PTPRD: variants seen among roughly 807,000 people sequenced by gnomAD.
PTPRD encodes the protein receptor-type tyrosine-protein phosphatase delta.
PTPRD carries 34 observed loss-of-function variants against 214.5 expected under a neutral mutation model. The ratio of observed to expected loss-of-function variants is 0.16; its 90% CI spans 0.12 to 0.21. PTPRD has a LOEUF of 0.21. Among genes scored for constraint, PTPRD ranks in the 10% least tolerant of loss-of-function variants. The probability of loss-of-function intolerance (pLI) is 1.00; values close to 1 mark genes in which losing one functional copy is unlikely to be tolerated. For synonymous variants in PTPRD, 1,128 were observed against 845.7 expected, an observed-to-expected ratio of 1.33 and a Z score of -5.79; for missense variants, 2,545 against 2,398.7, an observed-to-expected ratio of 1.06 and a Z score of -1.27.
chr9:9,502,385 T>C (rs922087999), intron 8 of PTPRD, among the ~76,000 whole-genome samples: 5 of 151,902 alleles, frequency 3.3e-5, no homozygotes, highest in African/African-American at 1.2e-4. Flanking sequence ...TTTCTGTATC[T>C]GGTTTATTCA....
At chr9:9,792,648 G>A (rs1042631656) in intron 5 of PTPRD, among the ~76,000 whole-genome samples, 1 of 152,050 alleles carries the variant, frequency 6.6e-6, no homozygotes, top group African/African-American at 2.4e-5. Flanking sequence ...ACACTCAGTG[G>A]CTTCAAGCTC....
intron 5 of PTPRD, among the ~76,000 whole-genome samples, chr9:9,858,861 A>G (rs1383368808): frequency 6.6e-6 from 1 of 152,110 alleles, no homozygotes; most frequent in Admixed American, 6.5e-5. Context: ...AATTAATCCA[A>G]CCCATCCATT....
At chr9:9,698,705 C>A (rs192674930) in intron 7 of PTPRD, among the ~76,000 whole-genome samples, 2 of 152,160 alleles carry the variant, frequency 1.3e-5, no homozygotes, top group Non-Finnish European at 2.9e-5. Flanking sequence ...GGTCTCCTGC[C>A]AGTGCACCCA....
rs563896112 is a variant in PTPRD, at chr9:10,518,683, C to T, written c.-600+93715G>A. Among the ~76,000 whole-genome samples, 17 of 152,132 alleles carry T rather than the reference C, an allele frequency of 1.1e-4. No homozygotes were observed. The East Asian group carries it at 2.1e-3, about 19-fold the overall frequency. ...AAGTAGCTGGGACTACAGGCGCCCG[C>T]CACCACACCCGGCTAATTTTTTGTA... On this transcript the variant is annotated intron_variant, in intron 2 of 45. Transcript: ENST00000381196.
At chr9:9,013,805 T>C (rs778872468) in intron 11 of PTPRD, among the ~76,000 whole-genome samples, 1 of 152,154 alleles carries the variant, frequency 6.6e-6, no homozygotes, top group Non-Finnish European at 1.5e-5. Context: ...TTGTCAACAT[T>C]GGTTTAATCC....
chr9:8,863,860 A>G (rs935876481), intron 11 of PTPRD, among the ~76,000 whole-genome samples: 2 of 152,200 alleles, frequency 1.3e-5, no homozygotes, highest in Non-Finnish European at 2.9e-5. Flanking sequence ...TTCAGTAGGA[A>G]AGGCAGAGCT....
intron 3 of PTPRD, among the ~76,000 whole-genome samples, chr9:10,149,733 C>CTTTTTTTTTTTT: frequency 7.0e-6 from 1 of 142,442 alleles, no homozygotes; most frequent in Non-Finnish European, 1.5e-5. Context: ...CTTTTTTTTT[C>CTTTTTTTTTTTT]TTTTTTTTTT....
chr9:8,451,115 G>A (rs1468473004), intron 33 of PTPRD, among the ~76,000 whole-genome samples: 12 of 152,158 alleles, frequency 7.9e-5, no homozygotes, highest in Non-Finnish European at 1.3e-4. Context: ...CTGCTCATCT[G>A]TATAAAATAA....
rs2079362743 is a variant in PTPRD, at chr9:9,548,436, C to A, written c.-237+26296G>T. 3.1e-5 allele frequency among the ~76,000 whole-genome samples: 4 copies of A among 128,468 alleles called. No individual in the cohort carries two copies. The South Asian group carries it at 9.6e-4, about 31-fold the overall frequency. The allele number at this position is 128,468 out of a possible 152,430, so 84.3% of individuals were successfully genotyped here. ...TTTTTTTTTTTTTTTAAGACGGAGTCTCGCTTTGTCATCCAGGCTGGAGGG... is the reference window on the plus strand; with the variant it reads ...TTTTTTTTTTTTTTTAAGACGGAGTATCGCTTTGTCATCCAGGCTGGAGGG... On this transcript the variant is annotated intron_variant, in intron 8 of 45. Transcript: ENST00000381196.
intron 7 of PTPRD, among the ~76,000 whole-genome samples, chr9:9,704,756 CA>C (rs1352817021): frequency 1.3e-5 from 2 of 152,206 alleles, no homozygotes; most frequent in Non-Finnish European, 2.9e-5. Flanking sequence ...CTCTTGTTGA[CA>C]GTCCCTGCTG....
chr9:10,359,075 G>T (rs2097330544), intron 2 of PTPRD, among the ~76,000 whole-genome samples: 1 of 151,752 alleles, frequency 6.6e-6, no homozygotes, highest in South Asian at 2.1e-4. Context: ...GTCACAATGT[G>T]GAACAACGGT....
chr9:8,610,795 C>G (rs2095420591), intron 14 of PTPRD, among the ~76,000 whole-genome samples: 2 of 152,156 alleles, frequency 1.3e-5, no homozygotes, highest in Admixed American at 1.3e-4. Flanking sequence ...AATTTCCTGG[C>G]ACTTTTTATT....
At chr9:9,756,766 T>C (rs1267157263) in intron 6 of PTPRD, among the ~76,000 whole-genome samples, 1 of 152,170 alleles carries the variant, frequency 6.6e-6, no homozygotes, top group Non-Finnish European at 1.5e-5. Flanking sequence ...GAGCAAGCAA[T>C]TAAACCCTGT....
chr9:9,899,288 T>C (rs2075813309), intron 5 of PTPRD, among the ~76,000 whole-genome samples: 2 of 151,992 alleles, frequency 1.3e-5, no homozygotes, highest in Non-Finnish European at 2.9e-5. Flanking sequence ...AAAAAAGTAC[T>C]GTACTTCTGA....
intron 2 of PTPRD, among the ~76,000 whole-genome samples, chr9:10,534,220 G>A (rs547276174): frequency 4.0e-4 from 60 of 151,780 alleles, no homozygotes; most frequent in African/African-American, 1.4e-3. Context: ...TTTAACATCA[G>A]AGTTCTAAAA....
chr9:10,575,051 T>G lies in PTPRD; in HGVS notation c.-600+37347A>C, dbSNP rs182118214. Among the ~76,000 whole-genome samples, 868 of 151,958 alleles carry G rather than the reference T, an allele frequency of 5.7e-3. 6 individuals are homozygous for G. Among genetic ancestry groups the G allele is most frequent in the Non-Finnish European group, 9.4e-3 (640 of 67,890 alleles). ...ACTACTTTTAATGTATGAGAAATATTTTTCACATCATGATGAGATTAGGCA... is the reference window on the plus strand; with the variant it reads ...ACTACTTTTAATGTATGAGAAATATGTTTCACATCATGATGAGATTAGGCA... On this transcript the variant is annotated intron_variant, in intron 2 of 45. Coordinates refer to ENST00000381196, the MANE Select transcript of PTPRD (RefSeq NM_002839.4).
intron 2 of PTPRD, among the ~76,000 whole-genome samples, chr9:10,437,316 C>A (rs116703105): frequency 3.9e-4 from 59 of 151,912 alleles, no homozygotes; most frequent in African/African-American, 1.3e-3. Context: ...ATAGATTGCA[C>A]AAATACATAT....
chr9:10,434,597 C>T (rs1352501149), intron 2 of PTPRD, among the ~76,000 whole-genome samples: 2 of 151,810 alleles, frequency 1.3e-5, no homozygotes, highest in African/African-American at 2.4e-5. Context: ...ATAATATGTA[C>T]TCATTCATAG....
In PTPRD at chr9:8,317,443, T is replaced by C. The variant is rs1222167848; in HGVS notation, c.*431A>G. 2.1e-5 allele frequency: 5 copies of C among 239,248 alleles called. No individual in the cohort carries two copies. The highest frequency in any genetic ancestry group is 4.1e-5 in the Non-Finnish European group (5 of 120,728). The allele number at this position is 239,248 out of a possible 1,614,324, so 14.8% of individuals were successfully genotyped here. A position where few individuals can be genotyped will look rare whatever the true frequency, so the allele number is the denominator to read the frequency against. On this transcript the variant is annotated 3_prime_UTR_variant, in exon 46 of 46. Coordinates refer to ENST00000381196, the MANE Select transcript of PTPRD (RefSeq NM_002839.4). ...TAAAATGTTATTATGAGCAGTATGG[T>C]GGGAAGGGGCGATGTCAAAGCAGAG...
Sources: allele counts gnomAD v4.1 joint callset (sites outside exome capture counted in the v4.1 genomes callset), GRCh38; gene constraint gnomAD v4.1.1; transcripts MANE v1.5; gene names NCBI Gene and HGNC (gene_info 2026-07-23, HGNC 2026-07-21).